RRM2: variants seen among roughly 807,000 people sequenced by gnomAD.
RRM2 encodes the protein ribonucleoside-diphosphate reductase subunit M2.
Under a neutral mutation model 45.9 loss-of-function variants are expected in RRM2, and 6 were observed. The observed-to-expected ratio is 0.13, with a 90% CI of 0.07 to 0.26. The LOEUF (loss-of-function observed/expected upper bound fraction) is 0.26. Ranked by LOEUF, RRM2 falls within the 10% of genes least tolerant of loss-of-function variation. RRM2 has a pLI of 1.00. For missense variants in RRM2, 343 were observed against 489.5 expected, an observed-to-expected ratio of 0.70 and a Z score of 2.82; for synonymous variants, 177 against 173.0, an observed-to-expected ratio of 1.02 and a Z score of -0.18.
intron 3 of RRM2, chr2:10,156,356 A>C (rs561327057): frequency 6.6e-6 from 1 of 152,346 alleles, no homozygotes; most frequent in East Asian, 1.9e-4. Context: ...TGGATCAGAG[A>C]TATGTACAGT....
intron 3 of RRM2, among the ~76,000 whole-genome samples, chr2:10,173,992 A>G (rs72788307): frequency 0.27 from 40,388 of 152,148 alleles, 6,309 homozygotes; most frequent in Non-Finnish European, 0.36. Flanking sequence ...GTCCCCTGCA[A>G]TTCACATGTT....
chr2:10,192,322 C>T (rs976916302), intron 3 of RRM2, among the ~76,000 whole-genome samples: 1 of 152,192 alleles, frequency 6.6e-6, no homozygotes, highest in African/African-American at 2.4e-5. Flanking sequence ...CTTCTCAGAG[C>T]CTTTAATGGG....
chr2:10,194,830 C>T (rs912120763), intron 3 of RRM2, among the ~76,000 whole-genome samples: 4 of 152,260 alleles, frequency 2.6e-5, no homozygotes, highest in African/African-American at 7.2e-5. Context: ...TGGTCACAGC[C>T]GCCCCCTGAC....
intron 3 of RRM2, among the ~76,000 whole-genome samples, chr2:10,149,865 G>A (rs1248948547): frequency 6.6e-6 from 1 of 152,178 alleles, no homozygotes. Context: ...GAGATCACAG[G>A]CCCCACTCCT....
intron 3 of RRM2, among the ~76,000 whole-genome samples, chr2:10,182,088 A>G (rs939727904): frequency 3.9e-5 from 6 of 151,974 alleles, no homozygotes; most frequent in Admixed American, 6.6e-5. Flanking sequence ...CTCTTTTCTG[A>G]CATTGAGCAA....
chr2:10,201,159 A>AAAAG (rs898682325), intron 3 of RRM2, among the ~76,000 whole-genome samples: 40 of 150,820 alleles, frequency 2.7e-4, no homozygotes, highest in Middle Eastern at 3.2e-3. Flanking sequence ...AAAAAAAAAA[A>AAAAG]AAAGAAAGAA....
At chr2:10,181,781 TAA>T (rs1309208076) in intron 3 of RRM2, among the ~76,000 whole-genome samples, 4 of 33,942 alleles carry the variant, frequency 1.2e-4, no homozygotes, top group African/African-American at 2.6e-4. Flanking sequence ...TTTTTTTTTT[TAA>T]GACAGGGTCT....
chr2:10,182,486 C>T (rs1011527849), intron 3 of RRM2, among the ~76,000 whole-genome samples: 1 of 152,020 alleles, frequency 6.6e-6, no homozygotes, highest in Non-Finnish European at 1.5e-5. Flanking sequence ...TCACAGCAGC[C>T]CTAAAAAATA....
At chr2:10,161,759 A>G (rs866267392) in intron 3 of RRM2, among the ~76,000 whole-genome samples, 23 of 152,148 alleles carry the variant, frequency 1.5e-4, no homozygotes, top group African/African-American at 5.6e-4. Context: ...TCCTGATGCC[A>G]TAGGAAGAAC....
rs1662886458 is a variant in RRM2, at chr2:10,130,900, G to A, written c.*1514G>A. ...CCACCTCGGCCTCCCAAAGTGCTGG[G>A]ATTGCAGGCGTGATAAACAAATATT... is the stretch of plus-strand genomic sequence containing the variant. On this transcript the variant is annotated 3_prime_UTR_variant, in exon 10 of 10. Transcript: ENST00000304567. 6.6e-6 allele frequency: 1 copy of A among 152,160 alleles called. No homozygotes were observed. The highest frequency in any genetic ancestry group is 2.4e-5 in the African/African-American group (1 of 41,438). The allele number at this position is 152,160 out of a possible 1,614,324, so 9.4% of individuals were successfully genotyped here. A position where few individuals can be genotyped will look rare whatever the true frequency, so the allele number is the denominator to read the frequency against.
intron 3 of RRM2, among the ~76,000 whole-genome samples, chr2:10,203,536 G>T (rs1476583472): frequency 2.0e-5 from 3 of 152,140 alleles, no homozygotes; most frequent in Non-Finnish European, 4.4e-5. Flanking sequence ...AGATCACAAG[G>T]TCAGGAGTTC....
intron 3 of RRM2, among the ~76,000 whole-genome samples, chr2:10,192,284 C>A (rs1177840648): frequency 6.6e-6 from 1 of 152,212 alleles, no homozygotes; most frequent in African/African-American, 2.4e-5. Context: ...TGAGCAAAGC[C>A]TTCCCCAGGG....
At chr2:10,191,482 C>T (rs1250824855) in intron 3 of RRM2, among the ~76,000 whole-genome samples, 1 of 152,130 alleles carries the variant, frequency 6.6e-6, no homozygotes, top group Non-Finnish European at 1.5e-5. Context: ...GTGGGTGAGA[C>T]CCAGAGAGGC....
chr2:10,180,526 C>T (rs1664023676), intron 3 of RRM2, among the ~76,000 whole-genome samples: 1 of 152,158 alleles, frequency 6.6e-6, no homozygotes, highest in Non-Finnish European at 1.5e-5. Context: ...CTCAGAGAGG[C>T]CCACGAGGGC....
At position 10,130,229 on chromosome 2, in the gene RRM2, G is replaced by A. The variant is rs1662869039; in HGVS notation, c.*843G>A. On this transcript the variant is annotated 3_prime_UTR_variant, in exon 10 of 10. Transcript: ENST00000304567. ...ACTGTATTTTCCTCAACGTCTGGTTGATGAGAAAAAATTCTTGAAGAGTTT... is the reference window on the plus strand; with the variant it reads ...ACTGTATTTTCCTCAACGTCTGGTTAATGAGAAAAAATTCTTGAAGAGTTT... 6.6e-6 allele frequency: 1 copy of A among 152,162 alleles called. No individual in the cohort carries two copies. 9.4% of individuals were successfully genotyped at this position (152,162 alleles called of 1,614,324 possible). A position where few individuals can be genotyped will look rare whatever the true frequency, so the allele number is the denominator to read the frequency against.
chr2:10,125,343 G>A (rs1662756074), intron 5 of RRM2, among the ~76,000 whole-genome samples: 1 of 152,176 alleles, frequency 6.6e-6, no homozygotes, highest in African/African-American at 2.4e-5. Flanking sequence ...GTAGCTTAAG[G>A]TCTGTTTTGT....
intron 3 of RRM2, among the ~76,000 whole-genome samples, chr2:10,147,369 A>G (rs1663210921): frequency 6.6e-6 from 1 of 151,650 alleles, no homozygotes. Flanking sequence ...TGCAACCTCA[A>G]CCTCCTGGGC....
chr2:10,160,191 C>T (rs1663527156), intron 3 of RRM2, among the ~76,000 whole-genome samples: 1 of 152,208 alleles, frequency 6.6e-6, no homozygotes, highest in African/African-American at 2.4e-5. Context: ...ACCTGAGCTG[C>T]ACCCCTTTCC....
Position 10,123,015 on chromosome 2 carries a change from C to G in RRM2, c.132C>G (p.Ala44=). 6.4e-7 allele frequency: 1 copy of G among 1,566,192 alleles called. No homozygotes were observed. Among genetic ancestry groups the G allele is most frequent in the Non-Finnish European group, 8.6e-7 (1 of 1,162,838 alleles). ...PPALSGTRVL[A]SKTARRIFQE... The stretch of plus-strand genomic sequence containing the variant: ...CCCTGAGCGGGACCCGCGTCCTGGC[C>G]AGCAAGACCGCGAGGAGGATCTTCC... The change falls in exon 2 of 10, where the codon GCC becomes GCG. Residue 44 remains alanine, a synonymous_variant. Coordinates refer to ENST00000304567, the MANE Select transcript of RRM2 (RefSeq NM_001034.4).
Sources: allele counts gnomAD v4.1 joint callset (sites outside exome capture counted in the v4.1 genomes callset), GRCh38; gene constraint gnomAD v4.1.1; transcripts MANE v1.5; gene names NCBI Gene and HGNC (gene_info 2026-07-23, HGNC 2026-07-21).